USP47: variants seen among roughly 807,000 people sequenced by gnomAD.
USP47 encodes ubiquitin specific peptidase 47, also known as ubiquitin carboxyl-terminal hydrolase 47.
Under a neutral mutation model 165.1 loss-of-function variants are expected in USP47, and 35 were observed. The ratio of observed to expected loss-of-function variants is 0.21; its 90% confidence interval spans 0.16 to 0.28. The LOEUF is 0.28. USP47 is among the 10% of genes least tolerant of loss of function. The probability of loss-of-function intolerance (pLI) is 1.00; values close to 1 mark genes in which losing one functional copy is unlikely to be tolerated. For synonymous variants in USP47, 531 were observed against 544.5 expected (o/e 0.98, Z 0.35); for missense variants, 1,277 against 1,607.4 (o/e 0.79, Z 3.52).
rs1186930669 is a variant in USP47, at chr11:11,930,581, G to C, written c.1596-115G>C. On this transcript the variant is annotated intron_variant, in intron 13 of 27. Coordinates refer to ENST00000527733, the MANE Select transcript of USP47 (RefSeq NM_001282659.2). The stretch of plus-strand genomic sequence containing the variant: ...AAATCTCAGTGTGTCTGTGAACAGT[G>C]ACATGATTTTCTAATTGTTTTTTAA... 2.4e-5 allele frequency: 19 copies of C among 789,916 alleles called. No homozygotes were observed. The East Asian group carries it at 5.0e-4, about 21-fold the overall frequency. 48.9% of individuals were successfully genotyped at this position (789,916 alleles called of 1,614,324 possible). A position where few individuals can be genotyped will look rare whatever the true frequency, so the allele number is the denominator to read the frequency against.
intron 17 of USP47, among the ~76,000 whole-genome samples, chr11:11,937,896 A>G (rs1855190394): frequency 6.6e-6 from 1 of 152,014 alleles, no homozygotes; most frequent in Admixed American, 6.6e-5. Flanking sequence ...TTCTGAAAAC[A>G]GAAGAGAATG....
intron 3 of USP47, among the ~76,000 whole-genome samples, chr11:11,886,619 T>G (rs1851180007): frequency 6.6e-6 from 1 of 152,112 alleles, no homozygotes; most frequent in Admixed American, 6.6e-5. Flanking sequence ...TACAACTGAT[T>G]GGGATACCTG....
intron 2 of USP47, among the ~76,000 whole-genome samples, chr11:11,882,375 T>C (rs1850888048): frequency 6.6e-6 from 1 of 152,174 alleles, no homozygotes; most frequent in African/African-American, 2.4e-5. Context: ...GAATCAAAGA[T>C]GTTTGATGTT....
chr11:11,935,906 G>T (rs997595743), intron 16 of USP47, among the ~76,000 whole-genome samples: 1 of 151,898 alleles, frequency 6.6e-6, no homozygotes, highest in Non-Finnish European at 1.5e-5. Context: ...TTCTACTCCA[G>T]ATTGGATTAA....
chr11:11,930,766 A>G lies in USP47; in HGVS notation c.1651+15A>G. Reference sequence around the variant, plus strand: ...CAGAAATGCAAGTATGTTTACCTACAGTTATTTGATTTTAATTTGTGTTAT... The same window carrying G: ...CAGAAATGCAAGTATGTTTACCTACGGTTATTTGATTTTAATTTGTGTTAT... On this transcript the variant is annotated intron_variant, in intron 14 of 27. Coordinates refer to ENST00000527733, the MANE Select transcript of USP47 (RefSeq NM_001282659.2). 1 of 1,594,138 alleles carries G rather than the reference A, an allele frequency of 6.3e-7. No individual in the cohort carries two copies. Among genetic ancestry groups the G allele is most frequent in the African/African-American group, 1.4e-5 (1 of 74,016 alleles).
In USP47 at chr11:11,949,939, G is replaced by A. The variant is rs752960164; in HGVS notation, c.3399G>A (p.Arg1133=). 5.6e-6 allele frequency: 9 copies of A among 1,612,782 alleles called. No individual in the cohort carries two copies. The highest frequency in any genetic ancestry group is 5.3e-5 in the African/African-American group (4 of 74,846). ...DAVFAKGMTV[R]QSKEELIPQL... is the part of the protein sequence containing the mutation. The stretch of plus-strand genomic sequence containing the variant: ...TGTTTGCTAAAGGAATGACTGTACG[G>A]CAATCAAAAGAGGAATTAATTCCTC... Residue 1133 remains arginine (R), a synonymous_variant, in exon 23 of 28, where the codon CGG becomes CGA. Transcript: ENST00000527733.
intron 8 of USP47, among the ~76,000 whole-genome samples, chr11:11,917,872 T>C (rs1251683837): frequency 6.6e-6 from 1 of 152,098 alleles, no homozygotes; most frequent in Non-Finnish European, 1.5e-5. Context: ...AAATTGCCTA[T>C]TAAAAAGATT....
At chr11:11,920,119 T>C (rs753182608) in intron 8 of USP47, 37 bp from the exon 9 acceptor site, 3 of 1,447,482 alleles carry the variant, frequency 2.1e-6, no homozygotes, top group African/African-American at 2.9e-5. Context: ...TAATATAATA[T>C]TTTAAGTAAT....
rs189302688 is a variant in USP47 at position 11,930,839 on chromosome 11, A to G, written c.1651+88A>G. The G allele has an allele frequency of 7.7e-4, 784 of 1,018,176 alleles. 7 individuals carry two copies. Among genetic ancestry groups the G allele is most frequent in the Non-Finnish European group, 9.4e-4 (648 of 687,154 alleles). 63.1% of individuals were successfully genotyped at this position (1,018,176 alleles called of 1,614,324 possible). On this transcript the variant is annotated intron_variant, in intron 14 of 27. Transcript: ENST00000527733. ...TGCAAACCCAGATAACTACTTTTAA[A>G]TGATAGGATAATTAAGTTGTTTTAT... is the stretch of plus-strand genomic sequence containing the variant.
At chr11:11,869,520 A>G (rs1192659404) in intron 1 of USP47, among the ~76,000 whole-genome samples, 1 of 152,158 alleles carries the variant, frequency 6.6e-6, no homozygotes, top group Middle Eastern at 3.2e-3. Flanking sequence ...TTAAATCTTA[A>G]AATCAGGTAA....
intron 1 of USP47, among the ~76,000 whole-genome samples, chr11:11,876,890 G>A (rs1483875092): frequency 2.6e-5 from 4 of 151,850 alleles, no homozygotes; most frequent in East Asian, 1.9e-4. Flanking sequence ...AGATGGTCAC[G>A]TCAGATTCAT....
chr11:11,932,185 TG>T (rs1157279860), intron 14 of USP47, among the ~76,000 whole-genome samples: 5 of 152,006 alleles, frequency 3.3e-5, no homozygotes, highest in Admixed American at 6.6e-5. Context: ...GTTCCGGGGT[TG>T]GGGGAGGGGT....
At chr11:11,891,331 A>G (rs945640688) in intron 3 of USP47, among the ~76,000 whole-genome samples, 7 of 152,338 alleles carry the variant, frequency 4.6e-5, no homozygotes, top group South Asian at 4.1e-4. Context: ...GTGATTAACA[A>G]TGCCTGTCTG....
Position 11,957,657 on chromosome 11 carries a change from C to T in USP47, c.*1482C>T, listed in dbSNP as rs1413622443. ...AAAGGTATATTTACAGTAAAGTTCT[C>T]ATAAGAGAAATGAAAAGCTGTGTTA... is the stretch of plus-strand genomic sequence containing the variant. On this transcript the variant is annotated 3_prime_UTR_variant, in exon 28 of 28. Coordinates refer to ENST00000527733, the MANE Select transcript of USP47 (RefSeq NM_001282659.2). 1.3e-5 allele frequency: 2 copies of T among 152,392 alleles called. No individual in the cohort carries two copies. Among genetic ancestry groups the T allele is most frequent in the African/African-American group, 4.8e-5 (2 of 41,354 alleles). 9.4% of individuals were successfully genotyped at this position (152,392 alleles called of 1,614,324 possible).
intron 27 of USP47, 108 bp from the exon 28 acceptor site, chr11:11,955,893 A>G: frequency 1.1e-6 from 1 of 869,840 alleles, no homozygotes; most frequent in Non-Finnish European, 1.7e-6. Flanking sequence ...TTACTTCACC[A>G]GTAACAGATT....
At chr11:11,844,708 T>C (rs181627631) in intron 1 of USP47, among the ~76,000 whole-genome samples, 1 of 152,208 alleles carries the variant, frequency 6.6e-6, no homozygotes, top group Non-Finnish European at 1.5e-5. Flanking sequence ...AATGGCTTAT[T>C]ATCAATAATC....
At chr11:11,918,792 T>TC (rs1853613059) in intron 8 of USP47, among the ~76,000 whole-genome samples, 2 of 151,996 alleles carry the variant, frequency 1.3e-5, no homozygotes, top group South Asian at 2.1e-4. Context: ...ACTCTCCCTC[T>TC]CCCCCCATCC....
intron 11 of USP47, among the ~76,000 whole-genome samples, chr11:11,926,834 A>T: frequency 6.7e-6 from 1 of 148,358 alleles, no homozygotes; most frequent in Admixed American, 6.7e-5. Flanking sequence ...TAATGTAGGC[A>T]CTTACATCTA....
intron 1 of USP47, among the ~76,000 whole-genome samples, chr11:11,864,352 T>A (rs1030252505): frequency 5.9e-5 from 9 of 152,164 alleles, no homozygotes; most frequent in African/African-American, 1.9e-4. Flanking sequence ...ATAAAAAATT[T>A]ATTTTTTTAA....
Sources: gnomAD v4.1 joint callset for allele counts (sites outside exome capture counted in the v4.1 genomes callset) on GRCh38, gnomAD v4.1.1 for gene constraint, MANE v1.5 for transcripts, NCBI Gene and HGNC (gene_info 2026-07-23, HGNC 2026-07-21) for gene names.